COL10A1: variants seen among roughly 807,000 people sequenced by gnomAD.
COL10A1 encodes collagen alpha-1(X) chain.
Under a neutral mutation model 18.2 loss-of-function variants are expected in COL10A1, and 10 were observed. The observed-to-expected ratio is 0.55, with a 90% CI of 0.34 to 0.93. The LOEUF is 0.93. COL10A1 is among the 40% of genes least tolerant of loss of function. The pLI is 0.02. For synonymous variants in COL10A1, 330 were observed against 316.6 expected, an observed-to-expected ratio of 1.04 and a Z score of -0.45; for missense variants, 897 against 853.5, an observed-to-expected ratio of 1.05 and a Z score of -0.64.
chr6:116,132,272 T>G (rs1360474929), intron 1 of COL10A1, among the ~76,000 whole-genome samples: 1 of 152,194 alleles, frequency 6.6e-6, no homozygotes, highest in African/African-American at 2.4e-5. Context: ...TTTGTCCACC[T>G]TAGAGGTGAA....
the COL10A1 span, among the ~76,000 whole-genome samples, chr6:116,197,630 A>G: frequency 6.6e-6 from 1 of 152,042 alleles, no homozygotes; most frequent in Non-Finnish European, 1.5e-5. Context: ...TAGAGATTCA[A>G]ATACCATCTC....
At chr6:116,139,232 T>G (rs575312242) in intron 1 of COL10A1, among the ~76,000 whole-genome samples, 15 of 152,214 alleles carry the variant, frequency 9.9e-5, no homozygotes, top group South Asian at 4.1e-4. Flanking sequence ...GTGGATTTTT[T>G]GGGGGAAAGA....
upstream of COL10A1, among the ~76,000 whole-genome samples, chr6:116,163,136 A>AT (rs1354873185): frequency 0.12 from 13,420 of 115,386 alleles, 918 homozygotes; most frequent in East Asian, 0.25. Context: ...CAAAAAAAAA[A>AT]AAAAAATATA....
chr6:116,146,543 T>C lies in COL10A1; in HGVS notation c.-16+12071A>G, dbSNP rs570432281. Among the ~76,000 whole-genome samples, 27 of 152,320 alleles carry C rather than the reference T, an allele frequency of 1.8e-4. 1 individual carries two copies. Among genetic ancestry groups the C allele is most frequent in the Admixed American group, 1.7e-3 (26 of 15,298 alleles). ...TTTCGCCTTAACAAAAGAAAGTATG[T>C]GCCAGGGGGAAGAGAAGGTTAAATA... On this transcript the variant is annotated intron_variant, in intron 1 of 1. Transcript: ENST00000418500.
chr6:116,202,269 G>A, the COL10A1 span, among the ~76,000 whole-genome samples: 3 of 151,892 alleles, frequency 2.0e-5, no homozygotes, highest in Non-Finnish European at 4.4e-5. Context: ...CATTTCTGTA[G>A]TACCTTTTTT....
chr6:116,130,652 A>G (rs1432130404), upstream of COL10A1, among the ~76,000 whole-genome samples: 4 of 152,104 alleles, frequency 2.6e-5, no homozygotes, highest in Admixed American at 6.6e-5. Flanking sequence ...ACGTATGCAC[A>G]GGGTGTTCAT....
chr6:116,209,902 T>G, the COL10A1 span, among the ~76,000 whole-genome samples: 2 of 152,018 alleles, frequency 1.3e-5, no homozygotes, highest in East Asian at 3.9e-4. Context: ...CTTTAACAGA[T>G]AATGGTCATC....
chr6:116,178,847 A>T, the COL10A1 span, among the ~76,000 whole-genome samples: 7 of 152,198 alleles, frequency 4.6e-5, no homozygotes, highest in Non-Finnish European at 1.0e-4. Flanking sequence ...TTGCAATTTC[A>T]GTGTTTGCCT....
the COL10A1 span, among the ~76,000 whole-genome samples, chr6:116,176,635 A>G: frequency 2.6e-5 from 4 of 152,200 alleles, no homozygotes; most frequent in Admixed American, 6.5e-5. Context: ...TCTTGTGCCC[A>G]TAATAGAGTT....
At position 116,125,326 on chromosome 6, in the gene COL10A1, C is replaced by G. The variant is rs187987567; in HGVS notation, c.154+13G>C. On this transcript the variant is annotated intron_variant, in intron 2 of 2. Transcript: ENST00000651968. ...CAACTTGTTAATAGAACAAAATATA[C>G]AATTCAATTTACCTTTACTCTTTAT... The G allele has an allele frequency of 3.4e-3, 5,506 of 1,612,152 alleles. 133 individuals carry two copies. In the South Asian group the frequency reaches 0.041, roughly 12 times the overall value.
At chr6:116,159,819 A>G (rs933943402), upstream of COL10A1, among the ~76,000 whole-genome samples, 3 of 151,884 alleles carry the variant, frequency 2.0e-5, no homozygotes, top group African/African-American at 7.3e-5. Context: ...TATTATTTCC[A>G]TCTTTATGTC....
chr6:116,173,558 G>A, the COL10A1 span, among the ~76,000 whole-genome samples: 4 of 152,100 alleles, frequency 2.6e-5, no homozygotes, highest in East Asian at 1.9e-4. Context: ...AAAGCTGAGC[G>A]AGGGCGAGTG....
Position 116,120,200 on chromosome 6 carries a change from C to T in COL10A1, c.1916G>A (p.Ser639Asn). The T allele has an allele frequency of 1.9e-6, 3 of 1,614,172 alleles. No homozygotes were observed. The highest frequency in any genetic ancestry group is 1.7e-5 in the Admixed American group (1 of 60,028). ...TKGYLDQASG[S>N]AIIDLTENDQ... ...ATTTTCTGTGAGATCGATGATGGCA[C>T]TCCCTGAAGCCTGATCCAGGTAGCC... is the stretch of plus-strand genomic sequence containing the variant. The change falls in exon 3 of 3, where the codon AGT becomes AAT. Residue 639 changes from serine (S) to asparagine (N), a missense_variant. Physicochemically the swap from Ser to Asn is conservative, Grantham distance 46. Transcript: ENST00000651968.
chr6:116,209,002 A>G, the COL10A1 span, among the ~76,000 whole-genome samples: 2 of 152,020 alleles, frequency 1.3e-5, no homozygotes, highest in East Asian at 1.9e-4. Flanking sequence ...ATCACAAATC[A>G]TTTTGTAATA....
At chr6:116,200,550 A>T in the COL10A1 span, among the ~76,000 whole-genome samples, 1 of 152,076 alleles carries the variant, frequency 6.6e-6, no homozygotes, top group Admixed American at 6.6e-5. Context: ...ACTAAAATTA[A>T]AATTTTATTT....
At chr6:116,129,592 T>C (rs567675973), upstream of COL10A1, among the ~76,000 whole-genome samples, 1 of 152,324 alleles carries the variant, frequency 6.6e-6, no homozygotes, top group African/African-American at 2.4e-5. Context: ...TGCCATGCGA[T>C]ACTACAGCAT....
At chr6:116,156,369 T>C (rs1780193785) in intron 1 of COL10A1, among the ~76,000 whole-genome samples, 1 of 152,226 alleles carries the variant, frequency 6.6e-6, no homozygotes, top group African/African-American at 2.4e-5. Flanking sequence ...TATTAGTTAG[T>C]TTGCTGGTTT....
chr6:116,148,928 T>C (rs1369027710), intron 1 of COL10A1, among the ~76,000 whole-genome samples: 2 of 152,210 alleles, frequency 1.3e-5, no homozygotes, highest in African/African-American at 2.4e-5. Flanking sequence ...TTACAGCTTA[T>C]TCCAAGAAGC....
intron 1 of COL10A1, among the ~76,000 whole-genome samples, chr6:116,143,415 T>C (rs1023889713): frequency 1.3e-5 from 2 of 152,182 alleles, no homozygotes; most frequent in Non-Finnish European, 1.5e-5. Context: ...TGTTTCACCA[T>C]GTTGGCCAGG....
Sources: allele counts gnomAD v4.1 joint callset (sites outside exome capture counted in the v4.1 genomes callset), GRCh38; gene constraint gnomAD v4.1.1; transcripts MANE v1.5; gene names NCBI Gene and HGNC (gene_info 2026-07-23, HGNC 2026-07-21).